Variants in ME2 observed in about 807,000 individuals in gnomAD.
ME2 encodes the protein NAD-dependent malic enzyme, mitochondrial.
Under a neutral mutation model 73.7 loss-of-function variants are expected in ME2, and 60 were observed. That is an observed-to-expected ratio of 0.81 (90% CI 0.66 to 1.01). The LOEUF is 1.01. ME2 is among the 50% of genes least tolerant of loss of function. ME2 has a pLI of 0.00. For synonymous variants in ME2, 199 were observed against 236.9 expected (o/e 0.84, Z 1.47); for missense variants, 594 against 705.5 (o/e 0.84, Z 1.79).
At chr18:50,902,931 C>G (rs904981233) in intron 2 of ME2, among the ~76,000 whole-genome samples, 3 of 152,144 alleles carry the variant, frequency 2.0e-5, no homozygotes, top group East Asian at 1.9e-4. Context: ...TACTGGCCCC[C>G]TAGCATGTTT....
intron 2 of ME2, among the ~76,000 whole-genome samples, chr18:50,904,572 C>T (rs953836367): frequency 2.0e-5 from 3 of 151,962 alleles, no homozygotes; most frequent in Non-Finnish European, 4.4e-5. Context: ...CGTGAGCCAC[C>T]ACGCCCAGCC....
intron 1 of ME2, among the ~76,000 whole-genome samples, chr18:50,884,371 C>A (rs1482549738): frequency 6.6e-6 from 1 of 152,108 alleles, no homozygotes; most frequent in Non-Finnish European, 1.5e-5. Flanking sequence ...TATTTTGAGA[C>A]AGAGCCTCAA....
intron 13 of ME2, among the ~76,000 whole-genome samples, chr18:50,937,267 G>A (rs1201534333): frequency 5.9e-5 from 9 of 152,148 alleles, no homozygotes; most frequent in Non-Finnish European, 4.4e-5. Context: ...TCTCAGTCAT[G>A]AGGTAATCTG....
rs1401005097 is a variant in ME2 at position 50,953,471 on chromosome 18, T to C, written c.*6287T>C. On this transcript the variant is annotated 3_prime_UTR_variant, in exon 16 of 16. Transcript: ENST00000321341. ...ATAATTCAAATATAATATAAACGTC[T>C]TATTCATTTAGTCTTCAGCATTTTA... 1 of 152,220 alleles carries C rather than the reference T, an allele frequency of 6.6e-6. No individual in the cohort carries two copies. The highest frequency in any genetic ancestry group is 1.5e-5 in the Non-Finnish European group (1 of 68,040). 9.4% of individuals were successfully genotyped at this position (152,220 alleles called of 1,614,324 possible). A position where few individuals can be genotyped will look rare whatever the true frequency, so the allele number is the denominator to read the frequency against.
At chr18:50,915,518 G>T (rs1917264648) in intron 4 of ME2, 1 of 152,016 alleles carries the variant, frequency 6.6e-6, no homozygotes, top group South Asian at 2.1e-4. Flanking sequence ...AAAAAAAATT[G>T]TTAGTCAATC....
At chr18:50,913,671 T>C (rs1352475852) in intron 4 of ME2, among the ~76,000 whole-genome samples, 4 of 152,032 alleles carry the variant, frequency 2.6e-5, no homozygotes, top group Non-Finnish European at 5.9e-5. Context: ...TTCCAAATAG[T>C]TGTAGCACCT....
intron 1 of ME2, among the ~76,000 whole-genome samples, chr18:50,886,902 T>C (rs866595242): frequency 6.6e-6 from 1 of 152,116 alleles, no homozygotes; most frequent in Non-Finnish European, 1.5e-5. Flanking sequence ...CTCAGGAGGC[T>C]GAGGCAGGAG....
chr18:50,903,447 G>C (rs1000670440), intron 2 of ME2, among the ~76,000 whole-genome samples: 1 of 152,092 alleles, frequency 6.6e-6, no homozygotes, highest in African/African-American at 2.4e-5. Context: ...AATAAGGATA[G>C]GCAAAGCGTA....
chr18:50,882,895 G>A (rs1315225248), intron 1 of ME2, among the ~76,000 whole-genome samples: 2 of 152,064 alleles, frequency 1.3e-5, no homozygotes, highest in Non-Finnish European at 2.9e-5. Flanking sequence ...GTTGCAGTGA[G>A]CTGAGATCAC....
chr18:50,925,922 T>G (rs1214134392), intron 12 of ME2, 24 bp downstream of exon 12: 2 of 1,534,938 alleles, frequency 1.3e-6, no homozygotes, highest in African/African-American at 2.7e-5. Flanking sequence ...CATGAATTGA[T>G]ATGTATATTA....
At position 50,920,658 on chromosome 18, in the gene ME2, C is replaced by T. The variant is rs1568169111; in HGVS notation, c.845-3C>T. 3 of 1,594,732 alleles carry T rather than the reference C, an allele frequency of 1.9e-6. No individual in the cohort carries two copies. Among genetic ancestry groups the T allele is most frequent in the Non-Finnish European group, 2.6e-6 (3 of 1,175,190 alleles). On this transcript the variant is annotated splice_polypyrimidine_tract_variant and splice_region_variant and intron_variant, in intron 8 of 15. Transcript: ENST00000321341. ...TTTGTAAAAATCTTTGTTTTTCTTACAGGGACAGCTGCAGTAGCTCTAGCA... is the reference window on the plus strand; with the variant it reads ...TTTGTAAAAATCTTTGTTTTTCTTATAGGGACAGCTGCAGTAGCTCTAGCA...
At chr18:50,920,920 T>C (rs1282065827) in intron 9 of ME2, among the ~76,000 whole-genome samples, 154 bp from the exon 10 acceptor site, 2 of 152,184 alleles carry the variant, frequency 1.3e-5, no homozygotes, top group African/African-American at 4.8e-5. Context: ...TAATTTAAAA[T>C]ATGTTTCGAG....
At chr18:50,925,337 G>C (rs529710383) in intron 11 of ME2, among the ~76,000 whole-genome samples, 58 of 152,196 alleles carry the variant, frequency 3.8e-4, no homozygotes, top group African/African-American at 1.3e-3. Flanking sequence ...AAATTAGCCG[G>C]GCGTGGTGGC....
Position 50,880,258 on chromosome 18 carries a change from G to A in ME2, c.-13+950G>A, listed in dbSNP as rs113973779. On this transcript the variant is annotated intron_variant, in intron 1 of 15. Coordinates refer to ENST00000321341, the MANE Select transcript of ME2 (RefSeq NM_002396.5). ...TCCACTTTACAAACCAGGAAACTAA[G>A]GTTTAGGTAGGTTAAGTAACTTGCC... Among the ~76,000 whole-genome samples the A allele has an allele frequency of 7.1e-3, 1,088 of 152,192 alleles. 6 individuals are homozygous for A. Among genetic ancestry groups the A allele is most frequent in the Non-Finnish European group, 0.011 (754 of 68,000 alleles).
intron 12 of ME2, 25 bp downstream of exon 12, chr18:50,925,923 A>G (rs1454585552): frequency 7.8e-6 from 12 of 1,533,516 alleles, no homozygotes; most frequent in Non-Finnish European, 1.1e-5. Flanking sequence ...ATGAATTGAT[A>G]TGTATATTAT....
intron 6 of ME2, 24 bp from the exon 7 acceptor site, chr18:50,918,086 T>A (rs1917326255): frequency 2.1e-6 from 3 of 1,441,212 alleles, no homozygotes; most frequent in Admixed American, 4.3e-5. Flanking sequence ...ATTATTTTAT[T>A]TTTACATTTG....
intron 3 of ME2, among the ~76,000 whole-genome samples, chr18:50,910,801 A>G (rs189786069): frequency 2.5e-4 from 38 of 152,304 alleles, no homozygotes; most frequent in Non-Finnish European, 4.6e-4. Context: ...TCATGTGGGG[A>G]TTCCTAAACA....
chr18:50,915,087 A>G (rs1917253323), intron 4 of ME2, among the ~76,000 whole-genome samples: 1 of 141,288 alleles, frequency 7.1e-6, no homozygotes, highest in African/African-American at 2.9e-5. Flanking sequence ...AGGAAGACCA[A>G]CCCCTCCTCC....
intron 15 of ME2, among the ~76,000 whole-genome samples, chr18:50,941,622 G>C (rs1917962464): frequency 6.7e-6 from 1 of 149,708 alleles, no homozygotes; most frequent in African/African-American, 2.5e-5. Context: ...TGATCCACCG[G>C]CCCTGGCCTC....
Sources: gnomAD v4.1 joint callset for allele counts (sites outside exome capture counted in the v4.1 genomes callset) on GRCh38, gnomAD v4.1.1 for gene constraint, MANE v1.5 for transcripts, NCBI Gene and HGNC (gene_info 2026-07-23, HGNC 2026-07-21) for gene names.